Variants in PIGL observed in about 807,000 individuals in gnomAD.
PIGL encodes the protein N-acetylglucosaminyl-phosphatidylinositol de-N-acetylase.
A neutral mutation model predicts 31.1 loss-of-function variants in PIGL; 22 were observed. The ratio of observed to expected loss-of-function variants is 0.71; its 90% CI spans 0.51 to 1.01. The LOEUF is 1.01. Among genes scored for constraint, PIGL ranks in the 50% least tolerant of loss-of-function variants. The pLI is 0.00. For synonymous variants in PIGL, 131 were observed against 117.4 expected (o/e 1.12, Z -0.75); for missense variants, 302 against 315.9 (o/e 0.96, Z 0.33).
intron 1 of PIGL, among the ~76,000 whole-genome samples, chr17:16,229,858 A>ATTTT (rs71150280): frequency 0.046 from 4,538 of 97,634 alleles, 528 homozygotes; most frequent in African/African-American, 0.065. Context: ...TAAAGTCATG[A>ATTTT]TTTTTTTTTT....
At chr17:16,276,754 T>G (rs2092897599) in intron 2 of PIGL, among the ~76,000 whole-genome samples, 1 of 152,042 alleles carries the variant, frequency 6.6e-6, no homozygotes, top group Non-Finnish European at 1.5e-5. Flanking sequence ...TAAAATAAAA[T>G]AAAATGACTA....
chr17:16,242,670 T>C (rs997879535), intron 2 of PIGL, among the ~76,000 whole-genome samples: 1 of 145,658 alleles, frequency 6.9e-6, no homozygotes, highest in East Asian at 2.0e-4. Flanking sequence ...TTTTTTTTTT[T>C]TGAGACAGAG....
Position 16,319,349 on chromosome 17 carries a change from G to A in PIGL, c.660+1441G>A, listed in dbSNP as rs896994185. On this transcript the variant is annotated intron_variant, in intron 6 of 6. Transcript: ENST00000225609. ...ATGTATATACCATAAGATATATCAC[G>A]AATCCCTTACTGTTAGACATTTTGA... Among the ~76,000 whole-genome samples the A allele has an allele frequency of 2.6e-5, 4 of 151,494 alleles. No individual in the cohort carries two copies. In the South Asian group the frequency reaches 8.3e-4, roughly 31 times the overall value.
intron 3 of PIGL, among the ~76,000 whole-genome samples, chr17:16,312,129 G>T (rs2093054058): frequency 1.4e-5 from 2 of 145,906 alleles, no homozygotes; most frequent in South Asian, 4.2e-4. Context: ...TGGCCGGGCG[G>T]GGGCTGCCCG....
intron 3 of PIGL, among the ~76,000 whole-genome samples, chr17:16,311,452 A>T (rs2142858496): frequency 4.2e-5 from 1 of 23,842 alleles, no homozygotes; most frequent in Middle Eastern, 0.018. Flanking sequence ...AGCCCAAAGC[A>T]CAGAGGTTTT....
intron 2 of PIGL, among the ~76,000 whole-genome samples, chr17:16,248,262 C>T (rs911812241): frequency 1.3e-5 from 2 of 152,102 alleles, no homozygotes; most frequent in Admixed American, 6.6e-5. Context: ...TCCTTTTAAA[C>T]GTAGCAATTT....
In PIGL at chr17:16,220,492, T is replaced by A. The variant is rs1049489714; in HGVS notation, c.235+3031T>A. ...TTTTTAAATTGTTATTTTTTTTTTT[T>A]TTTTTTTTTTTTTTGAGGCAGAGTC... is the stretch of plus-strand genomic sequence containing the variant. On this transcript the variant is annotated intron_variant, in intron 1 of 6. Transcript: ENST00000225609. Among the ~76,000 whole-genome samples, 640 of 127,202 alleles carry A rather than the reference T, an allele frequency of 5.0e-3. 20 individuals carry two copies. The highest frequency in any genetic ancestry group is 0.015 in the African/African-American group (504 of 32,820). 83.4% of individuals were successfully genotyped at this position (127,202 alleles called of 152,430 possible).
intron 2 of PIGL, among the ~76,000 whole-genome samples, chr17:16,270,289 CAA>C (rs11415569): frequency 7.0e-6 from 1 of 143,488 alleles, no homozygotes. Flanking sequence ...AACTCCATGT[CAA>C]AAAAAAAAAA....
intron 1 of PIGL, among the ~76,000 whole-genome samples, chr17:16,224,507 A>G (rs1358312670): frequency 6.6e-6 from 1 of 151,316 alleles, no homozygotes; most frequent in Non-Finnish European, 1.5e-5. Flanking sequence ...GGATTTTGCC[A>G]TGTTGGCCAG....
rs755792448 is a variant in PIGL, at chr17:16,217,404, A to T, written c.178A>T (p.Thr60Ser). Residue 60 changes from threonine (T) to serine (S), a missense_variant, in exon 1 of 7, where the codon ACA (threonine) becomes TCA (serine). Coordinates refer to ENST00000225609, the MANE Select transcript of PIGL (RefSeq NM_004278.4). Reference sequence around the variant, plus strand: ...CGATGAAGCCATGTTTTTTGCTCCCACAGTGCTAGGCTTGGCCCGCCTAAG... The same window carrying T: ...CGATGAAGCCATGTTTTTTGCTCCCTCAGTGCTAGGCTTGGCCCGCCTAAG... ...PDDEAMFFAP[T>S]VLGLARLRHW... 1 of 1,614,176 alleles carries T rather than the reference A, an allele frequency of 6.2e-7. No homozygotes were observed. The highest frequency in any genetic ancestry group is 8.5e-7 in the Non-Finnish European group (1 of 1,180,042).
intron 1 of PIGL, among the ~76,000 whole-genome samples, chr17:16,232,328 T>C (rs560768122): frequency 1.1e-4 from 16 of 152,166 alleles, no homozygotes; most frequent in African/African-American, 3.4e-4. Flanking sequence ...TAATGCTTTT[T>C]CTCCACCACC....
chr17:16,249,265 G>A (rs1177262232), intron 2 of PIGL, among the ~76,000 whole-genome samples: 1 of 152,188 alleles, frequency 6.6e-6, no homozygotes, highest in Non-Finnish European at 1.5e-5. Context: ...GATCACCTGA[G>A]GTCAGGAGTT....
At position 16,272,733 on chromosome 17, in the gene PIGL, T is replaced by C. The variant is rs554344447; in HGVS notation, c.336-27155T>C. ...ACCTCTCAGCAGCTCTGGCCAATGCTGACCACTCCCCCAATCCAGAAACCA... is the reference window on the plus strand; with the variant it reads ...ACCTCTCAGCAGCTCTGGCCAATGCCGACCACTCCCCCAATCCAGAAACCA... On this transcript the variant is annotated intron_variant, in intron 2 of 6. Coordinates refer to ENST00000225609, the MANE Select transcript of PIGL (RefSeq NM_004278.4). 1.6e-4 allele frequency among the ~76,000 whole-genome samples: 25 copies of C among 152,334 alleles called. No homozygotes were observed. In the South Asian group the frequency reaches 2.7e-3, roughly 16 times the overall value.
chr17:16,305,629 A>G lies in PIGL; in HGVS notation c.426+5651A>G, dbSNP rs114174612. ...CAAAGACTGGAGAATTTCAAAAGTG[A>G]TGGAGCTGAATTTCATGTGACCCCA... On this transcript the variant is annotated intron_variant, in intron 3 of 6. Transcript: ENST00000225609. Among the ~76,000 whole-genome samples the G allele has an allele frequency of 5.0e-3, 768 of 152,274 alleles. 4 individuals carry two copies. The highest frequency in any genetic ancestry group is 0.017 in the African/African-American group (705 of 41,548).
At chr17:16,264,136 C>T (rs573484890) in intron 2 of PIGL, among the ~76,000 whole-genome samples, 1 of 151,834 alleles carries the variant, frequency 6.6e-6, no homozygotes, top group South Asian at 2.1e-4. Context: ...CCTCAGCCTC[C>T]CAAGTAGCTG....
chr17:16,300,812 A>G (rs2142837116), intron 3 of PIGL, among the ~76,000 whole-genome samples: 1 of 152,324 alleles, frequency 6.6e-6, no homozygotes, highest in East Asian at 1.9e-4. Flanking sequence ...TCTTCATTCC[A>G]AAAAACATGA....
intron 2 of PIGL, among the ~76,000 whole-genome samples, chr17:16,239,478 G>C (rs1431865150): frequency 1.3e-5 from 2 of 151,052 alleles, no homozygotes; most frequent in Non-Finnish European, 2.9e-5. Context: ...GTGAGACTCT[G>C]TCTCAAAAAA....
At chr17:16,321,062 C>G (rs1392413512) in intron 6 of PIGL, among the ~76,000 whole-genome samples, 1 of 151,548 alleles carries the variant, frequency 6.6e-6, no homozygotes, top group African/African-American at 2.4e-5. Flanking sequence ...CTCAGCCTCT[C>G]AAGTAACTGG....
rs567855238 is a variant in PIGL at position 16,323,950 on chromosome 17, CTTAT to C, written c.661-1831_661-1828del. Among the ~76,000 whole-genome samples, 30 of 151,372 alleles carry C rather than the reference CTTAT, an allele frequency of 2.0e-4. No individual in the cohort carries two copies. The East Asian group carries it at 4.7e-3, about 24-fold the overall frequency. On this transcript the variant is annotated intron_variant, in intron 6 of 6. Coordinates refer to ENST00000225609, the MANE Select transcript of PIGL (RefSeq NM_004278.4). Reference sequence around the variant, plus strand: ...ATATATTTGTTAGCAGATTATTTCTCTTATTTATTTATTTATTTATTTTGAGACA... The same window carrying C: ...ATATATTTGTTAGCAGATTATTTCTCTTATTTATTTATTTATTTTGAGACA...
Sources: gnomAD v4.1 joint callset for allele counts (sites outside exome capture counted in the v4.1 genomes callset) on GRCh38, gnomAD v4.1.1 for gene constraint, MANE v1.5 for transcripts, NCBI Gene and HGNC (gene_info 2026-07-23, HGNC 2026-07-21) for gene names.